The following MAB21L4 variants were observed in gnomAD, a reference collection of about 807,000 sequenced individuals.
MAB21L4 encodes the protein mab-21 like 4, also known as protein mab-21-like 4.
MAB21L4 carries 25 observed loss-of-function variants against 32.4 expected under a neutral mutation model. The ratio of observed to expected loss-of-function variants is 0.77; its 90% CI spans 0.56 to 1.08. MAB21L4 has a LOEUF of 1.08. MAB21L4 is among the 50% of genes least tolerant of loss of function. The pLI is 0.00. For synonymous variants in MAB21L4, 280 were observed against 276.8 expected, an observed-to-expected ratio of 1.01 and a Z score of -0.11; for missense variants, 638 against 611.0, an observed-to-expected ratio of 1.04 and a Z score of -0.47.
rs987835419 is a variant in MAB21L4 at position 240,891,696 on chromosome 2, C to A, written c.582G>T (p.Trp194Cys). The A allele has an allele frequency of 5.0e-6, 8 of 1,609,884 alleles. 1 individual carries two copies. The African/African-American group carries it at 6.7e-5, about 13-fold the overall frequency. Residue 194 changes from tryptophan (W) to cysteine (C), a missense_variant, in exon 2 of 5, where the codon TGG (tryptophan) becomes TGT (cysteine). Coordinates refer to ENST00000388934, the MANE Select transcript of MAB21L4 (RefSeq NM_001085437.3). ...LHLSLLVSSG[W>C]RTISFHVVPV... ...GCACCACGTGGAAGCTGATTGTTCT[C>A]CAGCCGCTGGACACCAGCAAGGACA...
chr2:240,896,230 T>A, upstream of MAB21L4: 1 of 1,169,490 alleles, frequency 8.6e-7, no homozygotes, highest in Non-Finnish European at 1.1e-6. Context: ...ATTGGGAATG[T>A]CACAGGGGCC....
At chr2:240,889,602 T>C (rs2059126473) in intron 3 of MAB21L4, among the ~76,000 whole-genome samples, 1 of 152,180 alleles carries the variant, frequency 6.6e-6, no homozygotes, top group Non-Finnish European at 1.5e-5. Context: ...GAGAAGGGTG[T>C]GCCTGGACTC....
chr2:240,888,690 G>A (rs762917395), intron 3 of MAB21L4, 42 bp from the exon 4 acceptor site: 223 of 1,114,480 alleles, frequency 2.0e-4, no homozygotes, highest in Admixed American at 8.5e-4. Flanking sequence ...TGGCCCACCC[G>A]GCCCACCCTG....
intron 2 of MAB21L4, 73 bp downstream of exon 2, chr2:240,891,465 C>T: frequency 7.2e-7 from 1 of 1,392,644 alleles, no homozygotes; most frequent in Non-Finnish European, 9.8e-7. Flanking sequence ...TGGCTGGGGC[C>T]AGGGGAGCAT....
chr2:240,893,823 G>A lies in MAB21L4; in HGVS notation c.514+1661C>T, dbSNP rs369814271. On this transcript the variant is annotated intron_variant, in intron 1 of 4. Coordinates refer to ENST00000388934, the MANE Select transcript of MAB21L4 (RefSeq NM_001085437.3). ...GCACGGCCTCCTGCTCACCCCAATG[G>A]GTGGGCCTGTCTCACAGGTGGGGAC... Among the ~76,000 whole-genome samples, 9 of 152,182 alleles carry A rather than the reference G, an allele frequency of 5.9e-5. 1 individual carries two copies. The highest frequency in any genetic ancestry group is 5.2e-4 in the Admixed American group (8 of 15,282).
rs371793664 is a variant in MAB21L4, at chr2:240,889,994, G to T, written c.894+11C>A. The T allele has an allele frequency of 1.2e-5, 20 of 1,600,194 alleles. No homozygotes were observed. Among genetic ancestry groups the T allele is most frequent in the Non-Finnish European group, 1.5e-5 (17 of 1,169,762 alleles). On this transcript the variant is annotated intron_variant, in intron 3 of 4. Coordinates refer to ENST00000388934, the MANE Select transcript of MAB21L4 (RefSeq NM_001085437.3). Reference sequence around the variant, plus strand: ...GGTGACAGACAACCCGCCGAGTCCCGCCCTGGGTACCTTCAGGTGGCCAAA... The same window carrying T: ...GGTGACAGACAACCCGCCGAGTCCCTCCCTGGGTACCTTCAGGTGGCCAAA...
At chr2:240,893,373 G>A (rs1318161508) in intron 1 of MAB21L4, among the ~76,000 whole-genome samples, 1 of 152,220 alleles carries the variant, frequency 6.6e-6, no homozygotes, top group African/African-American at 2.4e-5. Context: ...TCCCACAGGG[G>A]CCTCAGTTCC....
chr2:240,893,456 G>T (rs2059166748), intron 1 of MAB21L4, among the ~76,000 whole-genome samples: 1 of 152,216 alleles, frequency 6.6e-6, no homozygotes, highest in Admixed American at 6.5e-5. Flanking sequence ...GCCTCTAGTG[G>T]CCACACACCT....
chr2:240,891,499 C>T (rs1312237314), intron 2 of MAB21L4, 39 bp downstream of exon 2: 2 of 1,532,996 alleles, frequency 1.3e-6, no homozygotes, highest in Non-Finnish European at 1.8e-6. Context: ...CCTTCCTGCC[C>T]CCTCCCCAAG....
chr2:240,888,774 T>A, intron 3 of MAB21L4, 126 bp from the exon 4 acceptor site: 2 of 611,852 alleles, frequency 3.3e-6, no homozygotes, highest in East Asian at 6.9e-5. Flanking sequence ...TCCTACCCTG[T>A]GCCCTCCCCT....
Position 240,886,977 on chromosome 2 carries a change from T to C in MAB21L4, c.*93A>G. 1.0e-6 allele frequency: 1 copy of C among 996,936 alleles called. No individual in the cohort carries two copies. Among genetic ancestry groups the C allele is most frequent in the East Asian group, 2.4e-5 (1 of 41,044 alleles). The allele number at this position is 996,936 out of a possible 1,614,324, so 61.8% of individuals were successfully genotyped here. On this transcript the variant is annotated 3_prime_UTR_variant, in exon 5 of 5. Coordinates refer to ENST00000388934, the MANE Select transcript of MAB21L4 (RefSeq NM_001085437.3). The stretch of plus-strand genomic sequence containing the variant: ...CACTACCCCCTCAAGGAGAAGCCCG[T>C]TTCTTCTTCCAAACATCCCAGGAGC...
Position 240,887,272 on chromosome 2 carries a change from C to T in MAB21L4, c.1252-110G>A, listed in dbSNP as rs539074530. 1.3e-3 allele frequency: 1,135 copies of T among 870,800 alleles called. 1 individual carries two copies. Among genetic ancestry groups the T allele is most frequent in the South Asian group, 3.0e-3 (198 of 66,330 alleles). 53.9% of individuals were successfully genotyped at this position (870,800 alleles called of 1,614,324 possible). Reference sequence around the variant, plus strand: ...ACAACTGGCCCTCCCTGGGCCATGCCGGGCCTTCCTGCCCCGGGTATCTGC... The same window carrying T: ...ACAACTGGCCCTCCCTGGGCCATGCTGGGCCTTCCTGCCCCGGGTATCTGC... On this transcript the variant is annotated intron_variant, in intron 4 of 4. Transcript: ENST00000388934.
In MAB21L4 at chr2:240,887,072, A is replaced by C; in HGVS notation, c.1342T>G (p.Ter448GlyextTer36). Residue 448 changes from the stop codon to glycine (G), a stop_lost, in exon 5 of 5, where the codon TGA becomes GGA. Coordinates refer to ENST00000388934, the MANE Select transcript of MAB21L4 (RefSeq NM_001085437.3). ...KTRTLGGEES[*>G] ...TGGCTGAGACCAGGTGGCCCAGCTCAGCTCTCCTCGCCTCCCAGAGTCCTG... is the reference window on the plus strand; with the variant it reads ...TGGCTGAGACCAGGTGGCCCAGCTCCGCTCTCCTCGCCTCCCAGAGTCCTG... The C allele has an allele frequency of 6.2e-7, 1 of 1,613,794 alleles. No individual in the cohort carries two copies. The highest frequency in any genetic ancestry group is 8.5e-7 in the Non-Finnish European group (1 of 1,179,732).
chr2:240,888,469 G>T lies in MAB21L4; in HGVS notation c.1074C>A (p.Ile358=). 1.3e-6 allele frequency: 2 copies of T among 1,595,420 alleles called. No homozygotes were observed. Among genetic ancestry groups the T allele is most frequent in the Non-Finnish European group, 1.7e-6 (2 of 1,173,560 alleles). Residue 358 remains isoleucine, a synonymous_variant, in exon 4 of 5, where the codon ATC becomes ATA. Coordinates refer to ENST00000388934, the MANE Select transcript of MAB21L4 (RefSeq NM_001085437.3). ...TGGCGAAGCCCTCCACGCGCTGGTA[G>T]ATGGCACCAAGGTCCAGGCCGCTGC... The part of the protein sequence containing the change: ...LQGSGLDLGA[I]YQRVEGFASQ...
intron 1 of MAB21L4, 128 bp downstream of exon 1, chr2:240,895,356 C>G: frequency 2.2e-6 from 2 of 896,574 alleles, no homozygotes; most frequent in Non-Finnish European, 3.3e-6. Flanking sequence ...ACACAGAAGA[C>G]AGTCGCCACC....
intron 4 of MAB21L4, among the ~76,000 whole-genome samples, chr2:240,887,934 G>A (rs964978331): frequency 1.3e-5 from 2 of 152,172 alleles, no homozygotes; most frequent in African/African-American, 4.8e-5. Flanking sequence ...GCCCAGGTAA[G>A]GCCATATCCC....
Position 240,891,746 on chromosome 2 carries a change from T to C in MAB21L4, c.532A>G (p.Ser178Gly), listed in dbSNP as rs1216804565. Reference sequence around the variant, plus strand: ...AGGTGGAGCTGCTCCTCCCTCAGGCTGGCCGCGTTCAGCGAACCTGCAAAG... The same window carrying C: ...AGGTGGAGCTGCTCCTCCCTCAGGCCGGCCGCGTTCAGCGAACCTGCAAAG... Reference protein sequence around the residue: ...LIAPGSLNAASLREEQLHLSL... With the variant: ...LIAPGSLNAAGLREEQLHLSL... Residue 178 changes from serine (S) to glycine (G), a missense_variant, in exon 2 of 5, where the codon AGC becomes GGC. Transcript: ENST00000388934. The C allele has an allele frequency of 6.2e-7, 1 of 1,608,848 alleles. No individual in the cohort carries two copies. The highest frequency in any genetic ancestry group is 1.3e-5 in the African/African-American group (1 of 74,906).
At chr2:240,891,834 C>T (rs1559578734) in intron 1 of MAB21L4, 71 bp from the exon 2 acceptor site, 5 of 1,597,204 alleles carry the variant, frequency 3.1e-6, no homozygotes, top group Non-Finnish European at 4.3e-6. Flanking sequence ...AGCCCTCCTC[C>T]TGCTGCCAAC....
chr2:240,895,199 C>G lies in MAB21L4; in HGVS notation c.514+285G>C, dbSNP rs12623438. Among the ~76,000 whole-genome samples, 1,475 of 152,362 alleles carry G rather than the reference C, an allele frequency of 9.7e-3. 81 individuals carry two copies. The highest frequency in any genetic ancestry group is 0.072 in the Admixed American group (1,105 of 15,308). ...CAGCCGTGGAACCCCCGTGCAAACA[C>G]ACACGACACGGAACACGTCATCTGT... On this transcript the variant is annotated intron_variant, in intron 1 of 4. Transcript: ENST00000388934.
Sources: allele counts gnomAD v4.1 joint callset (sites outside exome capture counted in the v4.1 genomes callset), GRCh38; gene constraint gnomAD v4.1.1; transcripts MANE v1.5; gene names NCBI Gene and HGNC (gene_info 2026-07-23, HGNC 2026-07-21).